The following TXNL4A variants were observed in gnomAD, a reference collection of about 807,000 sequenced individuals.
TXNL4A encodes the protein thioredoxin like 4A.
A neutral mutation model predicts 14.6 loss-of-function variants in TXNL4A; 17 were observed. The ratio of observed to expected loss-of-function variants is 1.16; its 90% CI spans 0.80 to 1.74. The LOEUF (loss-of-function observed/expected upper bound fraction) is 1.74. Ranked by LOEUF, TXNL4A falls within the 40% of genes most tolerant of loss-of-function variation. TXNL4A has a pLI of 0.00. For missense variants in TXNL4A, 74 were observed against 195.2 expected, an observed-to-expected ratio of 0.38 and a Z score of 3.70; for synonymous variants, 83 against 70.6, an observed-to-expected ratio of 1.18 and a Z score of -0.88.
Position 79,988,537 on chromosome 18 carries a change from C to T in TXNL4A, c.-145G>A, listed in dbSNP as rs1302017548. On this transcript the variant is annotated 5_prime_UTR_variant, in exon 1 of 3. Coordinates refer to ENST00000269601, the MANE Select transcript of TXNL4A (RefSeq NM_006701.5). ...GTCCCGCCCGCACACGCAAACTCCGCTGGGACTGCCACCCGGCAGAACGTC... is the reference window on the plus strand; with the variant it reads ...GTCCCGCCCGCACACGCAAACTCCGTTGGGACTGCCACCCGGCAGAACGTC... The T allele has an allele frequency of 7.1e-6, 6 of 840,818 alleles. No individual in the cohort carries two copies. The Admixed American group carries it at 1.3e-4, about 19-fold the overall frequency. The allele number at this position is 840,818 out of a possible 1,614,324, so 52.1% of individuals were successfully genotyped here.
At chr18:79,999,754 C>G (rs2051687244) in intron 1 of TXNL4A, among the ~76,000 whole-genome samples, 2 of 152,064 alleles carry the variant, frequency 1.3e-5, no homozygotes, top group Non-Finnish European at 2.9e-5. Flanking sequence ...GTGTCCCCAC[C>G]CAAATCTTAC....
intron 1 of TXNL4A, among the ~76,000 whole-genome samples, chr18:80,009,800 A>T (rs776807496): frequency 6.6e-6 from 1 of 152,144 alleles, no homozygotes; most frequent in Non-Finnish European, 1.5e-5. Context: ...GTCCACTTGC[A>T]TGGTGTCCCG....
intron 1 of TXNL4A, among the ~76,000 whole-genome samples, chr18:80,031,409 AGGGT>A (rs1295282152): frequency 6.6e-6 from 1 of 152,238 alleles, no homozygotes; most frequent in Non-Finnish European, 1.5e-5. Context: ...GGTCACCTCC[AGGGT>A]GGTTGGGATG....
chr18:80,032,613 G>A (rs2051929816), intron 1 of TXNL4A, among the ~76,000 whole-genome samples: 1 of 152,222 alleles, frequency 6.6e-6, no homozygotes, highest in Admixed American at 6.5e-5. Context: ...GCCGAGTTGG[G>A]CGGATCACTT....
upstream of TXNL4A, among the ~76,000 whole-genome samples, chr18:79,988,896 C>T (rs1474388839): frequency 1.3e-5 from 2 of 152,230 alleles, no homozygotes; most frequent in Admixed American, 1.3e-4. Context: ...ATGCCCGGCA[C>T]TGCGGCTCGT....
intron 2 of TXNL4A, chr18:79,977,236 C>T (rs778919727): frequency 3.9e-5 from 11 of 285,438 alleles, no homozygotes; most frequent in East Asian, 8.7e-5. Context: ...GGATTACAGG[C>T]GCTTTGAGCC....
chr18:80,005,393 G>A (rs1420207968), intron 1 of TXNL4A, among the ~76,000 whole-genome samples: 1 of 152,176 alleles, frequency 6.6e-6, no homozygotes, highest in Non-Finnish European at 1.5e-5. Context: ...AATTGCTTAT[G>A]CTGTCTTTCT....
intron 1 of TXNL4A, among the ~76,000 whole-genome samples, chr18:79,983,289 C>T (rs115898332): frequency 0.012 from 1,755 of 152,296 alleles, 32 homozygotes; most frequent in African/African-American, 0.04. Context: ...GTTTAAGCCA[C>T]GGCGCTGGCC....
chr18:80,017,171 A>C (rs1428623536), intron 1 of TXNL4A, among the ~76,000 whole-genome samples: 1 of 151,302 alleles, frequency 6.6e-6, no homozygotes, highest in Non-Finnish European at 1.5e-5. Context: ...TTTGTCTGTT[A>C]TTGGTGTATA....
rs144006535 is a variant in TXNL4A, at chr18:80,005,659, A to C, written c.-60-27958T>G. 4.9e-3 allele frequency among the ~76,000 whole-genome samples: 752 copies of C among 152,336 alleles called. 5 individuals carry two copies. Among genetic ancestry groups the C allele is most frequent in the African/African-American group, 0.017 (707 of 41,578 alleles). On this transcript the variant is annotated intron_variant, in intron 1 of 2. Transcript: ENST00000585474. Reference sequence around the variant, plus strand: ...GCAGGGCACAGTGGCTCACATCTGTAATCCCAACACTTTGGGAGGCTGAGG... The same window carrying C: ...GCAGGGCACAGTGGCTCACATCTGTCATCCCAACACTTTGGGAGGCTGAGG...
At chr18:80,025,422 C>A (rs1398561341) in intron 1 of TXNL4A, among the ~76,000 whole-genome samples, 1 of 152,224 alleles carries the variant, frequency 6.6e-6, no homozygotes, top group Non-Finnish European at 1.5e-5. Flanking sequence ...ATGTTTAACA[C>A]TCGCTCAACA....
chr18:80,002,596 A>G (rs2051704924), intron 1 of TXNL4A, among the ~76,000 whole-genome samples: 1 of 152,194 alleles, frequency 6.6e-6, no homozygotes, highest in Admixed American at 6.5e-5. Flanking sequence ...AAGAAGAACC[A>G]ATTTTTAAAA....
upstream of TXNL4A, among the ~76,000 whole-genome samples, chr18:79,990,001 C>A (rs759650402): frequency 3.3e-5 from 5 of 151,936 alleles, no homozygotes; most frequent in Non-Finnish European, 5.9e-5. Context: ...ATCTCAAAAA[C>A]AACAACAAAT....
intron 1 of TXNL4A, among the ~76,000 whole-genome samples, chr18:79,995,825 G>A (rs567512572): frequency 1.2e-4 from 18 of 152,248 alleles, no homozygotes; most frequent in Admixed American, 3.9e-4. Flanking sequence ...GACAACGGCC[G>A]GGCGCGGTGG....
At chr18:79,995,326 C>T (rs942739704) in intron 1 of TXNL4A, 5 of 152,228 alleles carry the variant, frequency 3.3e-5, no homozygotes, top group Admixed American at 3.3e-4. Context: ...CAGCCAGCCC[C>T]AAATCCTGAA....
At chr18:80,009,074 G>A (rs2051752270) in intron 1 of TXNL4A, among the ~76,000 whole-genome samples, 1 of 152,162 alleles carries the variant, frequency 6.6e-6, no homozygotes, top group South Asian at 2.1e-4. Context: ...ACTGCGCCCG[G>A]CCTACTTTAT....
At chr18:80,010,928 C>T (rs1286695571) in intron 1 of TXNL4A, among the ~76,000 whole-genome samples, 1 of 151,882 alleles carries the variant, frequency 6.6e-6, no homozygotes, top group African/African-American at 2.4e-5. Flanking sequence ...GGAGTAGAGA[C>T]CCAACTGCTG....
intron 1 of TXNL4A, chr18:79,985,706 C>T (rs1201784722): frequency 6.6e-6 from 1 of 152,176 alleles, no homozygotes; most frequent in African/African-American, 2.4e-5. Context: ...AGCATGAAGT[C>T]AAGTGGGCCC....
At chr18:80,001,279 G>A (rs1210983236) in intron 1 of TXNL4A, among the ~76,000 whole-genome samples, 3 of 152,202 alleles carry the variant, frequency 2.0e-5, no homozygotes, top group Non-Finnish European at 4.4e-5. Flanking sequence ...AGATTTCAGA[G>A]GATATATGGA....
Sources: gnomAD v4.1 joint callset for allele counts (sites outside exome capture counted in the v4.1 genomes callset) on GRCh38, gnomAD v4.1.1 for gene constraint, MANE v1.5 for transcripts, NCBI Gene and HGNC (gene_info 2026-07-23, HGNC 2026-07-21) for gene names.